The following ATRX variants were observed in gnomAD, a reference collection of about 807,000 sequenced individuals.
ATRX encodes the protein chromatin remodeler ATRX.
Under a neutral mutation model 172.6 loss-of-function variants are expected in ATRX, and 12 were observed. The ratio of observed to expected loss-of-function variants is 0.07; its 90% confidence interval spans 0.04 to 0.11. The LOEUF (loss-of-function observed/expected upper bound fraction) is 0.11. Among genes scored for constraint, ATRX ranks in the 10% least tolerant of loss-of-function variants. ATRX has a pLI of 1.00. For missense variants in ATRX, 1,368 were observed against 1,767.4 expected, an observed-to-expected ratio of 0.77 and a Z score of 4.05; for synonymous variants, 674 against 594.7, an observed-to-expected ratio of 1.13 and a Z score of -1.94.
chrX:77,717,537 G>GAGGTTGCA (rs1557165998), intron 1 of ATRX, among the ~76,000 whole-genome samples: 1 of 106,142 alleles, frequency 9.4e-6, no homozygotes, highest in East Asian at 2.9e-4. Context: ...TTGTGAGGCA[G>GAGGTTGCA]AGGTTGCAGT....
At chrX:77,627,148 G>GCGT (rs2067899169) in intron 19 of ATRX, among the ~76,000 whole-genome samples, 1 of 111,621 alleles carries the variant, frequency 9.0e-6, no homozygotes, top group Admixed American at 9.4e-5. Context: ...CAGGAGAATG[G>GCGT]CGTGAACCCG....
chrX:77,542,917 C>T (rs2064067452), intron 30 of ATRX, among the ~76,000 whole-genome samples: 1 of 111,529 alleles, frequency 9.0e-6, no homozygotes, highest in Non-Finnish European at 1.9e-5. Context: ...GACTTCATGT[C>T]TAAAAAACCA....
At chrX:77,747,962 A>C (rs1227250328) in intron 1 of ATRX, among the ~76,000 whole-genome samples, 3 of 111,587 alleles carry the variant, frequency 2.7e-5, no homozygotes, top group African/African-American at 9.8e-5. Context: ...TCCTGGTTTA[A>C]ATAAGAGTCT....
intron 1 of ATRX, among the ~76,000 whole-genome samples, chrX:77,736,674 TA>T (rs1488112450): frequency 1.8e-5 from 2 of 112,233 alleles, no homozygotes; most frequent in Non-Finnish European, 3.8e-5. Flanking sequence ...CTTATAAAAC[TA>T]AAAATTGAGC....
intron 30 of ATRX, among the ~76,000 whole-genome samples, chrX:77,527,034 C>T (rs1414303425): frequency 8.9e-6 from 1 of 112,487 alleles, no homozygotes; most frequent in Non-Finnish European, 1.9e-5. Context: ...AAAACATTAC[C>T]TCCATCCTGG....
chrX:77,563,370 T>A (rs1395561341), intron 28 of ATRX, among the ~76,000 whole-genome samples: 1 of 112,512 alleles, frequency 8.9e-6, no homozygotes, highest in Non-Finnish European at 1.9e-5. Context: ...TGCTTTTGCA[T>A]CTTTTGTCAA....
intron 30 of ATRX, among the ~76,000 whole-genome samples, chrX:77,533,317 C>T (rs937007556): frequency 2.7e-5 from 3 of 112,258 alleles, no homozygotes; most frequent in Non-Finnish European, 5.6e-5. Context: ...TATAAAGATA[C>T]ATGCATGCGT....
At chrX:77,749,592 T>C (rs926120072) in intron 1 of ATRX, among the ~76,000 whole-genome samples, 6 of 111,943 alleles carry the variant, frequency 5.4e-5, no homozygotes, top group African/African-American at 1.9e-4. Flanking sequence ...AAGCACTAGC[T>C]AGACAGAGTT....
chrX:77,772,213 TGAACCCGGGAGGCAGA>T (rs1204975009), intron 1 of ATRX, among the ~76,000 whole-genome samples: 2 of 106,871 alleles, frequency 1.9e-5, no homozygotes, highest in East Asian at 6.0e-4. Flanking sequence ...CAGAATTGCT[TGAACCCGGGAGGCAGA>T]GAACCCGGGA....
At chrX:77,669,141 A>T (rs1027251097) in intron 10 of ATRX, among the ~76,000 whole-genome samples, 12 of 111,583 alleles carry the variant, frequency 1.1e-4, no homozygotes, top group African/African-American at 3.6e-4. Flanking sequence ...ACAGGCTTAG[A>T]TATAGGAAAT....
intron 2 of ATRX, among the ~76,000 whole-genome samples, chrX:77,711,991 G>A (rs1169983630): frequency 4.5e-5 from 5 of 112,141 alleles, no homozygotes; most frequent in Non-Finnish European, 5.6e-5. Flanking sequence ...TTAGGCAACA[G>A]GACCAGAGCT....
intron 28 of ATRX, among the ~76,000 whole-genome samples, chrX:77,563,213 T>C (rs1215246319): frequency 8.9e-6 from 1 of 112,680 alleles, no homozygotes; most frequent in African/African-American, 3.2e-5. Flanking sequence ...TATACAAGTA[T>C]AATAGTTTTA....
chrX:77,648,095 T>C (rs1192830312), intron 15 of ATRX, among the ~76,000 whole-genome samples: 2 of 111,697 alleles, frequency 1.8e-5, no homozygotes, highest in Non-Finnish European at 3.8e-5. Context: ...TAATCCTAAA[T>C]GTATATGTAC....
chrX:77,533,390 G>A (rs1369417105), intron 30 of ATRX, among the ~76,000 whole-genome samples: 2 of 112,184 alleles, frequency 1.8e-5, no homozygotes, highest in Admixed American at 1.9e-4. Context: ...GCCCATCAAT[G>A]ATAGACTGGA....
At chrX:77,607,085 T>G (rs1488673314) in intron 22 of ATRX, among the ~76,000 whole-genome samples, 1 of 111,783 alleles carries the variant, frequency 8.9e-6, no homozygotes, top group Admixed American at 9.5e-5. Flanking sequence ...ACAACAAGGA[T>G]GCCCACTTTC....
At chrX:77,628,429 T>C (rs1327807457) in intron 19 of ATRX, among the ~76,000 whole-genome samples, 1 of 112,675 alleles carries the variant, frequency 8.9e-6, no homozygotes, top group Non-Finnish European at 1.9e-5. Flanking sequence ...TTTTGTCACA[T>C]GCTATTATAA....
intron 30 of ATRX, among the ~76,000 whole-genome samples, chrX:77,543,865 G>T (rs1167992448): frequency 9.1e-6 from 1 of 109,607 alleles, no homozygotes; most frequent in African/African-American, 3.3e-5. Context: ...GTAGGTGACG[G>T]GTTGATGGGT....
chrX:77,653,004 TAA>T (rs554448289), intron 14 of ATRX, among the ~76,000 whole-genome samples: 5 of 69,002 alleles, frequency 7.2e-5, no homozygotes, highest in Admixed American at 1.7e-4. Flanking sequence ...TGTTTCTTGT[TAA>T]AAAAAAAAAA....
Position 77,695,980 on chromosome X carries a change from C to T in ATRX, c.370+597G>A, listed in dbSNP as rs563644046. 6.2e-5 allele frequency among the ~76,000 whole-genome samples: 7 copies of T among 112,015 alleles called. No homozygotes were observed. In the Middle Eastern group the frequency reaches 0.014, roughly 224 times the overall value. ...CAATTATATTGCTCTCAGACTTGAG[C>T]TATGAAGAGTCCAAGATATTCATTT... On this transcript the variant is annotated intron_variant, in intron 5 of 34. Coordinates refer to ENST00000373344, the MANE Select transcript of ATRX (RefSeq NM_000489.6).
Sources: gnomAD v4.1 joint callset for allele counts (sites outside exome capture counted in the v4.1 genomes callset) on GRCh38, gnomAD v4.1.1 for gene constraint, MANE v1.5 for transcripts, NCBI Gene and HGNC (gene_info 2026-07-23, HGNC 2026-07-21) for gene names.